The following HDAC9 variants were observed in gnomAD, a reference collection of about 807,000 sequenced individuals.
HDAC9 encodes the protein MEF-2 interacting transcription repressor (MITR) protein.
In HDAC9, 41 loss-of-function variants were observed where a neutral mutation model predicts 139.4. The ratio of observed to expected loss-of-function variants is 0.29; its 90% CI spans 0.23 to 0.38. The LOEUF is 0.38. Ranked by LOEUF, HDAC9 falls within the 10% of genes least tolerant of loss-of-function variation. HDAC9 has a pLI of 1.00. For missense variants in HDAC9, 1,147 were observed against 1,297.0 expected (o/e 0.88, Z 1.78); for synonymous variants, 517 against 476.2 (o/e 1.09, Z -1.12).
At chr7:18,201,703 G>A (rs546347248) in intron 2 of HDAC9, among the ~76,000 whole-genome samples, 5 of 152,306 alleles carry the variant, frequency 3.3e-5, no homozygotes, top group African/African-American at 1.2e-4. Flanking sequence ...CTTCTGGTGA[G>A]TGTTTCTCTT....
chr7:18,243,069 G>A (rs867476909), intron 2 of HDAC9, among the ~76,000 whole-genome samples: 1 of 152,118 alleles, frequency 6.6e-6, no homozygotes, highest in Admixed American at 6.5e-5. Context: ...TTAGAGTCTT[G>A]TTGATTGCAG....
intron 2 of HDAC9, among the ~76,000 whole-genome samples, chr7:18,200,209 A>G: frequency 6.6e-6 from 1 of 152,246 alleles, no homozygotes; most frequent in East Asian, 1.9e-4. Flanking sequence ...TTCAGACTGC[A>G]GTTACCTGTA....
upstream of HDAC9, among the ~76,000 whole-genome samples, chr7:18,493,104 A>G (rs1424526321): frequency 6.6e-6 from 1 of 151,972 alleles, no homozygotes; most frequent in Non-Finnish European, 1.5e-5. Context: ...AAGAACTAGG[A>G]TAATTACTAA....
At chr7:18,958,760 A>C (rs189098685) in intron 24 of HDAC9, among the ~76,000 whole-genome samples, 15 of 152,172 alleles carry the variant, frequency 9.9e-5, no homozygotes, top group Non-Finnish European at 1.6e-4. Flanking sequence ...CTAACCTCAC[A>C]TATTTATACT....
At chr7:18,930,368 C>A (rs999876046) in intron 22 of HDAC9, among the ~76,000 whole-genome samples, 2 of 152,112 alleles carry the variant, frequency 1.3e-5, no homozygotes, top group African/African-American at 4.8e-5. Context: ...GCTTTTGTGT[C>A]TTTAATGAAG....
intron 1 of HDAC9, among the ~76,000 whole-genome samples, chr7:18,134,868 A>G (rs1479928321): frequency 6.6e-6 from 1 of 152,168 alleles, no homozygotes; most frequent in Non-Finnish European, 1.5e-5. Flanking sequence ...AGTGGAATTC[A>G]TTGCCATTTG....
At chr7:18,158,882 A>G (rs971482492) in intron 1 of HDAC9, among the ~76,000 whole-genome samples, 2 of 152,152 alleles carry the variant, frequency 1.3e-5, no homozygotes, top group Non-Finnish European at 2.9e-5. Flanking sequence ...GCAGGATGTC[A>G]CTGTCTTGAG....
intron 1 of HDAC9, among the ~76,000 whole-genome samples, chr7:18,407,625 T>C (rs1291035717): frequency 1.3e-5 from 2 of 152,176 alleles, no homozygotes; most frequent in Non-Finnish European, 2.9e-5. Context: ...TTAATAACAT[T>C]ACAATGCAGT....
intron 2 of HDAC9, among the ~76,000 whole-genome samples, chr7:18,520,123 T>G (rs906793860): frequency 5.9e-5 from 9 of 152,018 alleles, no homozygotes; most frequent in South Asian, 4.2e-4. Context: ...CAATAAAGTG[T>G]TTTTATATCA....
At chr7:18,482,670 C>A (rs367570359) in intron 1 of HDAC9, among the ~76,000 whole-genome samples, 181 of 152,086 alleles carry the variant, frequency 1.2e-3, no homozygotes, top group Middle Eastern at 3.4e-3. Flanking sequence ...AGAAGCATCA[C>A]ACATTTTTAA....
At chr7:18,588,022 A>T (rs1010445630) in intron 3 of HDAC9, among the ~76,000 whole-genome samples, 1 of 152,230 alleles carries the variant, frequency 6.6e-6, no homozygotes, top group Admixed American at 6.5e-5. Context: ...TTATTTCATT[A>T]CAATGGAATA....
intron 2 of HDAC9, among the ~76,000 whole-genome samples, chr7:18,503,823 C>T (rs919201354): frequency 2.0e-5 from 3 of 152,168 alleles, no homozygotes; most frequent in African/African-American, 7.2e-5. Context: ...GACCCAGTTG[C>T]AGCCATGTGG....
At chr7:18,318,949 C>G (rs987042706) in intron 1 of HDAC9, among the ~76,000 whole-genome samples, 1 of 152,158 alleles carries the variant, frequency 6.6e-6, no homozygotes, top group Non-Finnish European at 1.5e-5. Flanking sequence ...GCAGATAGAT[C>G]CAAGAAATGC....
intron 2 of HDAC9, among the ~76,000 whole-genome samples, chr7:18,542,830 T>C (rs556616187): frequency 3.3e-5 from 5 of 152,280 alleles, no homozygotes; most frequent in African/African-American, 1.2e-4. Flanking sequence ...GCTCTAGAAA[T>C]TTATCCTAAG....
chr7:18,211,979 T>G (rs903071680), intron 2 of HDAC9, among the ~76,000 whole-genome samples: 1 of 152,090 alleles, frequency 6.6e-6, no homozygotes, highest in Non-Finnish European at 1.5e-5. Flanking sequence ...TAAAGAGAAT[T>G]CTTGAGTAAC....
intron 1 of HDAC9, among the ~76,000 whole-genome samples, chr7:18,433,668 T>C (rs1002223388): frequency 7.2e-5 from 11 of 151,986 alleles, no homozygotes; most frequent in Admixed American, 7.2e-4. Context: ...CCATTCACAA[T>C]AGACACACAC....
chr7:18,490,105 G>T (rs1470724787), intron 1 of HDAC9, among the ~76,000 whole-genome samples: 1 of 151,984 alleles, frequency 6.6e-6, no homozygotes, highest in African/African-American at 2.4e-5. Context: ...TGGCTAATTT[G>T]AAATCACACC....
At chr7:18,428,458 G>T (rs548599439) in intron 1 of HDAC9, among the ~76,000 whole-genome samples, 1 of 152,198 alleles carries the variant, frequency 6.6e-6, no homozygotes, top group South Asian at 2.1e-4. Flanking sequence ...TGGGCTAAAG[G>T]TTTGCAGGGA....
intron 2 of HDAC9, among the ~76,000 whole-genome samples, chr7:18,221,787 G>A (rs1373927454): frequency 2.6e-5 from 4 of 152,118 alleles, no homozygotes; most frequent in Non-Finnish European, 5.9e-5. Context: ...TTTTTCTGAG[G>A]GATATAATAT....
Sources: gnomAD v4.1 joint callset for allele counts (sites outside exome capture counted in the v4.1 genomes callset) on GRCh38, gnomAD v4.1.1 for gene constraint, MANE v1.5 for transcripts, NCBI Gene and HGNC (gene_info 2026-07-23, HGNC 2026-07-21) for gene names.